Variants in LRP1B observed in about 807,000 individuals in gnomAD.
LRP1B encodes low-density lipoprotein receptor-related protein 1B.
In LRP1B, 217 loss-of-function variants were observed where a neutral mutation model predicts 556.6. That is an observed-to-expected ratio of 0.39 (90% CI 0.35 to 0.44). LRP1B has a LOEUF of 0.44. Ranked by LOEUF, LRP1B falls within the 20% of genes least tolerant of loss-of-function variation. The pLI is 1.00. For missense variants in LRP1B, 5,053 were observed against 5,620.8 expected, an observed-to-expected ratio of 0.90 and a Z score of 3.23; for synonymous variants, 2,047 against 1,865.8, an observed-to-expected ratio of 1.10 and a Z score of -2.50.
At chr2:140,872,634 C>A (rs922106931) in intron 25 of LRP1B, among the ~76,000 whole-genome samples, 1 of 151,618 alleles carries the variant, frequency 6.6e-6, no homozygotes, top group Non-Finnish European at 1.5e-5. Context: ...TTATATAACC[C>A]TATGATAGAT....
At chr2:141,018,773 A>G (rs1281779317) in intron 12 of LRP1B, among the ~76,000 whole-genome samples, 1 of 152,164 alleles carries the variant, frequency 6.6e-6, no homozygotes, top group Non-Finnish European at 1.5e-5. Context: ...CCAGATGATT[A>G]TATAATCCAA....
chr2:141,717,164 G>C (rs1692633935), intron 2 of LRP1B, among the ~76,000 whole-genome samples: 1 of 152,032 alleles, frequency 6.6e-6, no homozygotes, highest in African/African-American at 2.4e-5. Flanking sequence ...AACCCAAAAG[G>C]ACCTTCTCTA....
chr2:141,853,311 T>TA (rs1205439802), intron 1 of LRP1B, among the ~76,000 whole-genome samples: 2 of 151,614 alleles, frequency 1.3e-5, no homozygotes, highest in African/African-American at 4.8e-5. Flanking sequence ...CATCACCATT[T>TA]AAGTTATAAC....
At chr2:141,913,438 T>C (rs1699956312) in intron 1 of LRP1B, among the ~76,000 whole-genome samples, 1 of 152,158 alleles carries the variant, frequency 6.6e-6, no homozygotes, top group Admixed American at 6.5e-5. Context: ...TCCATTACAC[T>C]ATGCGGCTGA....
chr2:140,490,551 C>A (rs904178802), intron 57 of LRP1B, among the ~76,000 whole-genome samples: 1 of 152,040 alleles, frequency 6.6e-6, no homozygotes, highest in Non-Finnish European at 1.5e-5. Flanking sequence ...ATTGTCTTTT[C>A]ATTTATTTTG....
At chr2:141,766,937 C>A (rs1482194680) in intron 2 of LRP1B, among the ~76,000 whole-genome samples, 3 of 152,116 alleles carry the variant, frequency 2.0e-5, no homozygotes, top group Non-Finnish European at 2.9e-5. Flanking sequence ...AGAAAATAAA[C>A]CCCTCTAATA....
At chr2:141,969,199 G>A (rs1224723037) in intron 1 of LRP1B, among the ~76,000 whole-genome samples, 1 of 150,286 alleles carries the variant, frequency 6.7e-6, no homozygotes, top group African/African-American at 2.4e-5. Context: ...CATACAATGT[G>A]GAATAATGAA....
chr2:141,728,669 T>C (rs528282558), intron 2 of LRP1B, among the ~76,000 whole-genome samples: 1 of 152,194 alleles, frequency 6.6e-6, no homozygotes, highest in African/African-American at 2.4e-5. Context: ...ATGTAATACT[T>C]TGGGCCTCCT....
chr2:140,808,696 A>T (rs1308442560), intron 32 of LRP1B, among the ~76,000 whole-genome samples: 4 of 152,210 alleles, frequency 2.6e-5, no homozygotes, highest in Non-Finnish European at 4.4e-5. Context: ...GAGCACTGAT[A>T]AATGCTTGCT....
intron 3 of LRP1B, among the ~76,000 whole-genome samples, chr2:141,407,565 T>C (rs1690687997): frequency 6.6e-6 from 1 of 152,136 alleles, no homozygotes; most frequent in Non-Finnish European, 1.5e-5. Context: ...GCACTCTCTC[T>C]GAGCTCACAT....
chr2:140,287,232 G>C (rs747230009), intron 84 of LRP1B, among the ~76,000 whole-genome samples: 14 of 151,490 alleles, frequency 9.2e-5, no homozygotes, highest in Non-Finnish European at 1.9e-4. Context: ...GTTTAGATAG[G>C]GGATCTGATC....
intron 1 of LRP1B, among the ~76,000 whole-genome samples, chr2:141,961,882 A>ATT (rs1031962465): frequency 4.1e-4 from 63 of 151,878 alleles, no homozygotes; most frequent in African/African-American, 1.4e-3. Context: ...AAAGCAGATA[A>ATT]TGAAATTTAT....
intron 2 of LRP1B, among the ~76,000 whole-genome samples, chr2:141,795,888 A>ATG: frequency 1.3e-5 from 1 of 78,278 alleles, no homozygotes; most frequent in Admixed American, 1.3e-4. Context: ...ATATATATAT[A>ATG]TATATATATA....
chr2:141,292,268 T>C (rs1245861391), intron 3 of LRP1B, among the ~76,000 whole-genome samples: 1 of 152,118 alleles, frequency 6.6e-6, no homozygotes, highest in Non-Finnish European at 1.5e-5. Flanking sequence ...TTATCTTCCA[T>C]GAAACTGGTC....
chr2:141,481,758 G>C (rs1301789074), intron 2 of LRP1B, among the ~76,000 whole-genome samples: 2 of 152,106 alleles, frequency 1.3e-5, no homozygotes, highest in Non-Finnish European at 2.9e-5. Context: ...GCTGGCCCCA[G>C]TATTCATAAG....
At chr2:141,823,129 C>G (rs972345468) in intron 1 of LRP1B, among the ~76,000 whole-genome samples, 10 of 152,148 alleles carry the variant, frequency 6.6e-5, no homozygotes, top group Non-Finnish European at 1.0e-4. Context: ...TTCCCCATCT[C>G]TCTTACAGAT....
At chr2:140,514,905 T>C in intron 50 of LRP1B, 133 bp from the exon 51 acceptor site, 1 of 851,324 alleles carries the variant, frequency 1.2e-6, no homozygotes, top group South Asian at 2.5e-5. Context: ...CTTCTTCTTT[T>C]CTATGACAAT....
chr2:140,854,060 T>TAAAAAAAA (rs33945219), intron 27 of LRP1B, among the ~76,000 whole-genome samples: 2 of 108,840 alleles, frequency 1.8e-5, no homozygotes, highest in Non-Finnish European at 3.9e-5. Context: ...CATATCTGAA[T>TAAAAAAAA]AAAAAAAAAA....
chr2:141,052,237 A>T (rs1699056734), intron 10 of LRP1B, among the ~76,000 whole-genome samples: 2 of 151,970 alleles, frequency 1.3e-5, no homozygotes, highest in Admixed American at 1.3e-4. Flanking sequence ...CATTTCTTTT[A>T]AAATAATACT....
Sources: gnomAD v4.1 joint callset for allele counts (sites outside exome capture counted in the v4.1 genomes callset) on GRCh38, gnomAD v4.1.1 for gene constraint, MANE v1.5 for transcripts, NCBI Gene and HGNC (gene_info 2026-07-23, HGNC 2026-07-21) for gene names.